Variants in SDHAF3 observed in about 807,000 individuals in gnomAD.
SDHAF3 encodes succinate dehydrogenase assembly factor 3, mitochondrial.
In SDHAF3, 18 loss-of-function variants were observed where a neutral mutation model predicts 11.5. The observed-to-expected ratio is 1.56, with a 90% CI of 1.08 to 2.32. The LOEUF (loss-of-function observed/expected upper bound fraction) is 2.32, where lower values mean the gene tolerates loss of function less well. Among genes scored for constraint, SDHAF3 ranks in the 30% most tolerant of loss-of-function variants. The pLI, the probability that SDHAF3 is intolerant of heterozygous loss-of-function variation, is 0.00. For synonymous variants in SDHAF3, 72 were observed against 59.3 expected (o/e 1.21, Z -0.99); for missense variants, 200 against 154.4 (o/e 1.30, Z -1.57).
At chr7:97,156,363 G>A (rs1789301093) in intron 1 of SDHAF3, among the ~76,000 whole-genome samples, 1 of 152,150 alleles carries the variant, frequency 6.6e-6, no homozygotes, top group Non-Finnish European at 1.5e-5. Context: ...ACCATATCAG[G>A]TGTACATTAT....
chr7:97,117,899 C>G lies in SDHAF3; in HGVS notation c.174+2C>G. 1 of 1,613,620 alleles carries G rather than the reference C, an allele frequency of 6.2e-7. No homozygotes were observed. The highest frequency in any genetic ancestry group is 1.1e-5 in the South Asian group (1 of 91,026). ...CAGCGTTTCTTGCAAGAATGGGAGG[C>G]AAGTGACGCTCCCTTCTCTTTGCCC... On this transcript the variant is annotated splice_donor_variant, in intron 1 of 1. Coordinates refer to ENST00000432641, the MANE Select transcript of SDHAF3 (RefSeq NM_020186.3). LOFTEE classifies it high-confidence loss of function.
At chr7:97,173,233 T>C (rs920686038) in intron 1 of SDHAF3, among the ~76,000 whole-genome samples, 2 of 152,194 alleles carry the variant, frequency 1.3e-5, no homozygotes, top group Non-Finnish European at 2.9e-5. Flanking sequence ...TGAGAAGTTA[T>C]TGAAATAGTT....
Position 97,151,499 on chromosome 7 carries a change from A to G in SDHAF3, c.175-29513A>G, listed in dbSNP as rs1305973426. Among the ~76,000 whole-genome samples the G allele has an allele frequency of 5.0e-5, 3 of 59,902 alleles. No homozygotes were observed. The Admixed American group carries it at 9.7e-4, about 19-fold the overall frequency. 39.3% of individuals were successfully genotyped at this position (59,902 alleles called of 152,430 possible). A position where few individuals can be genotyped will look rare whatever the true frequency, so the allele number is the denominator to read the frequency against. ...GCTCTGGGTGAGGTTGCTAACCTTT[A>G]GTCCTTTTTTTTTTTTTGAGTTGGA... is the stretch of plus-strand genomic sequence containing the variant. On this transcript the variant is annotated intron_variant, in intron 1 of 1. Transcript: ENST00000432641.
intron 1 of SDHAF3, among the ~76,000 whole-genome samples, chr7:97,156,784 CTT>C (rs145618825): frequency 1.3e-5 from 2 of 151,774 alleles, no homozygotes; most frequent in Non-Finnish European, 2.9e-5. Flanking sequence ...AAAAAAATTT[CTT>C]TTTTAATGTT....
chr7:97,129,160 TATTTATGA>T (rs142115678), intron 1 of SDHAF3, among the ~76,000 whole-genome samples: 1,736 of 152,320 alleles, frequency 0.011, 36 homozygotes, highest in African/African-American at 0.04. Context: ...TATCTGTCCA[TATTTATGA>T]ATAAAACAAT....
intron 1 of SDHAF3, among the ~76,000 whole-genome samples, chr7:97,175,009 T>G (rs905915698): frequency 1.3e-5 from 2 of 152,182 alleles, no homozygotes; most frequent in Non-Finnish European, 1.5e-5. Flanking sequence ...TGTATTTTTT[T>G]GTTTGTTTTT....
chr7:97,173,305 ATTTT>A (rs1789632843), intron 1 of SDHAF3, among the ~76,000 whole-genome samples: 1 of 152,254 alleles, frequency 6.6e-6, no homozygotes, highest in African/African-American at 2.4e-5. Context: ...GTATATATGC[ATTTT>A]TTTAATTTAG....
At chr7:97,122,703 TAAGTG>T (rs1191660332) in intron 1 of SDHAF3, among the ~76,000 whole-genome samples, 4 of 152,112 alleles carry the variant, frequency 2.6e-5, no homozygotes, top group African/African-American at 9.7e-5. Context: ...CATGGACAGT[TAAGTG>T]AAGATGTTCA....
At chr7:97,174,398 T>A (rs533826369) in intron 1 of SDHAF3, among the ~76,000 whole-genome samples, 1 of 152,198 alleles carries the variant, frequency 6.6e-6, no homozygotes, top group South Asian at 2.1e-4. Flanking sequence ...AGTACTGTTA[T>A]AGAAACTAAG....
rs145621901 is a variant in SDHAF3 at position 97,168,678 on chromosome 7, C to T, written c.175-12334C>T. ...CCTGCTCTAACTTCTTCCTGCTAAC[C>T]GGGGGTGTAATTGGGATAGGTGTTG... is the stretch of plus-strand genomic sequence containing the variant. On this transcript the variant is annotated intron_variant, in intron 1 of 1. Coordinates refer to ENST00000432641, the MANE Select transcript of SDHAF3 (RefSeq NM_020186.3). Among the ~76,000 whole-genome samples the T allele has an allele frequency of 2.8e-4, 42 of 152,204 alleles. No homozygotes were observed. In the East Asian group the frequency reaches 3.5e-3, roughly 13 times the overall value.
chr7:97,137,932 G>A (rs915102400), intron 1 of SDHAF3, among the ~76,000 whole-genome samples: 2 of 147,818 alleles, frequency 1.4e-5, no homozygotes, highest in Non-Finnish European at 3.0e-5. Context: ...GAGTGCAGTG[G>A]CACCATCTTG....
At chr7:97,170,759 G>A (rs1318525362) in intron 1 of SDHAF3, among the ~76,000 whole-genome samples, 8 of 151,968 alleles carry the variant, frequency 5.3e-5, no homozygotes, top group Non-Finnish European at 1.5e-5. Context: ...GTTTACAGAG[G>A]AACCTGGGGA....
intron 1 of SDHAF3, among the ~76,000 whole-genome samples, chr7:97,170,644 C>T (rs1789590597): frequency 6.6e-6 from 1 of 152,116 alleles, no homozygotes; most frequent in Admixed American, 6.6e-5. Flanking sequence ...TAGCCAAGAA[C>T]TTTCTACGTT....
chr7:97,150,273 A>G (rs764772149), intron 1 of SDHAF3, among the ~76,000 whole-genome samples: 7 of 152,186 alleles, frequency 4.6e-5, no homozygotes, highest in Non-Finnish European at 8.8e-5. Flanking sequence ...ATGAATCACA[A>G]ATGCTGTTAA....
At chr7:97,161,701 T>G (rs1789414075) in intron 1 of SDHAF3, among the ~76,000 whole-genome samples, 1 of 152,172 alleles carries the variant, frequency 6.6e-6, no homozygotes. Context: ...TTTTCTGTTC[T>G]TGTGATAGTT....
At chr7:97,164,311 G>C (rs1288103770) in intron 1 of SDHAF3, among the ~76,000 whole-genome samples, 2 of 150,432 alleles carry the variant, frequency 1.3e-5, no homozygotes, top group African/African-American at 4.9e-5. Flanking sequence ...ATGGCCTCCT[G>C]CTTATTCAAC....
At chr7:97,168,402 G>C (rs1380854025) in intron 1 of SDHAF3, among the ~76,000 whole-genome samples, 1 of 152,130 alleles carries the variant, frequency 6.6e-6, no homozygotes, top group Non-Finnish European at 1.5e-5. Flanking sequence ...GCAAGAAGGG[G>C]GTTTGTTTTG....
chr7:97,172,735 T>G (rs147161526), intron 1 of SDHAF3, among the ~76,000 whole-genome samples: 1 of 152,204 alleles, frequency 6.6e-6, no homozygotes, highest in African/African-American at 2.4e-5. Flanking sequence ...TCCCACTGTT[T>G]TGATGAGGAA....
intron 1 of SDHAF3, among the ~76,000 whole-genome samples, chr7:97,149,719 A>G (rs567595969): frequency 1.1e-4 from 16 of 152,334 alleles, no homozygotes; most frequent in East Asian, 9.6e-4. Context: ...TCTTGCCTCA[A>G]TGTTGACGGC....
Sources: gnomAD v4.1 joint callset for allele counts (sites outside exome capture counted in the v4.1 genomes callset) on GRCh38, gnomAD v4.1.1 for gene constraint, MANE v1.5 for transcripts, NCBI Gene and HGNC (gene_info 2026-07-23, HGNC 2026-07-21) for gene names.